The following SVEP1 variants were observed in gnomAD, a reference collection of about 807,000 sequenced individuals.
SVEP1 encodes the protein sushi, von Willebrand factor type A, EGF and pentraxin domain-containing protein 1.
A neutral mutation model predicts 367.3 loss-of-function variants in SVEP1; 164 were observed. The ratio of observed to expected loss-of-function variants is 0.45; its 90% CI spans 0.39 to 0.51. SVEP1 has a LOEUF of 0.51. SVEP1 is among the 20% of genes least tolerant of loss of function. SVEP1 has a pLI of 0.00. For synonymous variants in SVEP1, 1,666 were observed against 1,611.6 expected, an observed-to-expected ratio of 1.03 and a Z score of -0.81; for missense variants, 4,117 against 4,425.3, an observed-to-expected ratio of 0.93 and a Z score of 1.98.
At chr9:110,469,624 G>GA (rs35774393) in intron 16 of SVEP1, among the ~76,000 whole-genome samples, 5 of 152,146 alleles carry the variant, frequency 3.3e-5, no homozygotes, top group Non-Finnish European at 1.5e-5. Flanking sequence ...ACATTAAACT[G>GA]AAAAGCCTGC....
intron 2 of SVEP1, 29 bp downstream of exon 2, chr9:110,549,820 C>T (rs746495283): frequency 6.2e-7 from 1 of 1,610,230 alleles, no homozygotes; most frequent in Middle Eastern, 1.7e-4. Flanking sequence ...TTTAAAAGTA[C>T]CTTTGTGATG....
rs1829187654 is a variant in SVEP1, at chr9:110,481,523, G to T, written c.2171-87C>A. 4 of 949,762 alleles carry T rather than the reference G, an allele frequency of 4.2e-6. No individual in the cohort carries two copies. In the South Asian group the frequency reaches 1.1e-4, roughly 27 times the overall value. 58.8% of individuals were successfully genotyped at this position (949,762 alleles called of 1,614,324 possible). A position where few individuals can be genotyped will look rare whatever the true frequency, so the allele number is the denominator to read the frequency against. On this transcript the variant is annotated intron_variant, in intron 11 of 47. Transcript: ENST00000374469. The stretch of plus-strand genomic sequence containing the variant: ...GGAGCTTAAGCAGAATTTTGAAAAG[G>T]ACTCCTCCTGTCTATCGCTATTTCT...
intron 27 of SVEP1, among the ~76,000 whole-genome samples, chr9:110,440,537 G>A (rs914339485): frequency 2.6e-5 from 4 of 152,216 alleles, no homozygotes; most frequent in Non-Finnish European, 5.9e-5. Flanking sequence ...GAAAATTCAT[G>A]CATAAATACT....
chr9:110,469,854 C>T (rs764953055), intron 16 of SVEP1, among the ~76,000 whole-genome samples: 2 of 152,060 alleles, frequency 1.3e-5, no homozygotes, highest in Non-Finnish European at 2.9e-5. Context: ...TGAGAAACAC[C>T]GCTCAACGTG....
intron 40 of SVEP1, among the ~76,000 whole-genome samples, chr9:110,390,865 G>A (rs1382340863): frequency 6.6e-6 from 1 of 152,028 alleles, no homozygotes; most frequent in Non-Finnish European, 1.5e-5. Flanking sequence ...AGAAAGAACA[G>A]TATAAGAAAC....
chr9:110,510,496 T>A (rs978975233), intron 5 of SVEP1, among the ~76,000 whole-genome samples: 1 of 152,074 alleles, frequency 6.6e-6, no homozygotes. Context: ...GTCACCCCAT[T>A]CAGGAGGAGG....
In SVEP1 at chr9:110,436,529, A is replaced by G. The variant is rs150478162; in HGVS notation, c.4640-25T>C. ...CCTAAGGAGAGAGAAAGAGAAAGAA[A>G]AGGAGGAAAACTGGCCTGATGGTCT... On this transcript the variant is annotated intron_variant, in intron 27 of 47. Coordinates refer to ENST00000374469, the MANE Select transcript of SVEP1 (RefSeq NM_153366.4). The G allele has an allele frequency of 2.5e-6, 4 of 1,608,658 alleles. No homozygotes were observed. In the African/African-American group the frequency reaches 4.0e-5, roughly 16 times the overall value.
At chr9:110,428,399 A>AACACACACACACACACACACACACACAC (rs113743775) in intron 35 of SVEP1, among the ~76,000 whole-genome samples, 3 of 120,236 alleles carry the variant, frequency 2.5e-5, no homozygotes, top group African/African-American at 7.1e-5. Context: ...CCTCTGTTTA[A>AACACACACACACACACACACACACACAC]ACACACACAC....
At chr9:110,466,070 C>T in intron 17 of SVEP1, 44 bp from the exon 18 acceptor site, 4 of 1,580,266 alleles carry the variant, frequency 2.5e-6, no homozygotes, top group Non-Finnish European at 3.5e-6. Flanking sequence ...TGATATTAAG[C>T]TGCATAAAAT....
rs1830264344 is a variant in SVEP1, at chr9:110,550,068, C to T, written c.568G>A (p.Val190Ile). 25 of 1,613,934 alleles carry T rather than the reference C, an allele frequency of 1.5e-5. No homozygotes were observed. Among genetic ancestry groups the T allele is most frequent in the Non-Finnish European group, 2.0e-5 (24 of 1,179,854 alleles). ...LLHARENSTK[V>I]VFLITDGYSN... ...TATCCATCAGTGATGAGAAATACAACTTTTGTTGAGTTTTCTCTAGCATGA... is the reference window on the plus strand; with the variant it reads ...TATCCATCAGTGATGAGAAATACAATTTTTGTTGAGTTTTCTCTAGCATGA... Residue 190 changes from valine (V) to isoleucine (I), a missense_variant, in exon 2 of 48, where the codon GTT becomes ATT. Physicochemically the swap from Val to Ile is conservative, Grantham distance 29. Around this residue, in one of 4 missense-constraint regions of SVEP1, gnomAD observed 2,174 missense variants for 2,494.3 expected, o/e 0.87. Coordinates refer to ENST00000374469, the MANE Select transcript of SVEP1 (RefSeq NM_153366.4).
rs112123211 is a variant in SVEP1, at chr9:110,530,817, G to A, written c.964+15298C>T. Among the ~76,000 whole-genome samples the A allele has an allele frequency of 8.3e-3, 1,267 of 152,242 alleles. 18 individuals carry two copies. Among genetic ancestry groups the A allele is most frequent in the African/African-American group, 0.029 (1,202 of 41,566 alleles). On this transcript the variant is annotated intron_variant, in intron 3 of 47. Transcript: ENST00000374469. Reference sequence around the variant, plus strand: ...CTCCCAAACAGCTGAGATTACAGGTGTGAGCCACCGTGCCCAGTCTTTATT... The same window carrying A: ...CTCCCAAACAGCTGAGATTACAGGTATGAGCCACCGTGCCCAGTCTTTATT...
intron 3 of SVEP1, among the ~76,000 whole-genome samples, chr9:110,518,678 A>G (rs918321488): frequency 6.6e-5 from 10 of 151,732 alleles, no homozygotes; most frequent in African/African-American, 2.2e-4. Flanking sequence ...TTCCTCCTCT[A>G]TCTCCTTCAA....
rs369736607 is a variant in SVEP1, at chr9:110,447,039, G to T, written c.4122C>A (p.Gly1374=). 9.9e-6 allele frequency: 15 copies of T among 1,522,226 alleles called. No individual in the cohort carries two copies. The highest frequency in any genetic ancestry group is 1.3e-5 in the Non-Finnish European group (15 of 1,136,044). The allele number at this position is 1,522,226 out of a possible 1,614,324, so 94.3% of individuals were successfully genotyped here. ...TCAATTCACAGTGTGATCCTGTGAAGCCAGCTGCACACAGGCATCTGAAAG... is the reference window on the plus strand; with the variant it reads ...TCAATTCACAGTGTGATCCTGTGAATCCAGCTGCACACAGGCATCTGAAAG... ...ANSFRCLCAA[G]FTGSHCELNI... is the part of the protein sequence containing the mutation. The change falls in exon 25 of 48, where the codon GGC becomes GGA. Residue 1374 remains glycine (G), a synonymous_variant. Transcript: ENST00000374469.
At chr9:110,506,884 G>A (rs1342673717) in intron 5 of SVEP1, among the ~76,000 whole-genome samples, 2 of 152,032 alleles carry the variant, frequency 1.3e-5, no homozygotes, top group Non-Finnish European at 2.9e-5. Context: ...AGCAGGGTGA[G>A]GGGAAGGGGA....
intron 14 of SVEP1, 170 bp downstream of exon 14, chr9:110,476,034 G>T: frequency 4.1e-6 from 2 of 493,160 alleles, no homozygotes; most frequent in Non-Finnish European, 3.5e-6. Context: ...ACTAAAATTT[G>T]ATATAACCTT....
At position 110,383,279 on chromosome 9, in the gene SVEP1, T is replaced by C. The variant is rs554052190; in HGVS notation, c.10237+2619A>G. On this transcript the variant is annotated intron_variant, in intron 43 of 47. Coordinates refer to ENST00000374469, the MANE Select transcript of SVEP1 (RefSeq NM_153366.4). ...TTTTTGTTGATGGCTGTTGTTGTTG[T>C]TGCTGCTTTCTCTTTGTTTTTCTTT... 3.9e-5 allele frequency among the ~76,000 whole-genome samples: 6 copies of C among 152,282 alleles called. No homozygotes were observed. The South Asian group carries it at 6.2e-4, about 16-fold the overall frequency.
intron 16 of SVEP1, 89 bp from the exon 17 acceptor site, chr9:110,469,190 G>A (rs1210428343): frequency 1.1e-5 from 15 of 1,360,132 alleles, no homozygotes; most frequent in Non-Finnish European, 1.5e-5. Context: ...AAGTAATAAA[G>A]CATGCTTGAA....
Position 110,435,316 on chromosome 9 carries a change from C to T in SVEP1, c.4813G>A (p.Val1605Met), listed in dbSNP as rs369340894. The change falls in exon 29 of 48, where the codon GTG becomes ATG. Residue 1605 changes from valine to methionine, a missense_variant. Around this residue, in one of 4 missense-constraint regions of SVEP1, gnomAD observed 2,174 missense variants for 2,494.3 expected, o/e 0.87. Transcript: ENST00000374469. ...GACAAGAAATCAGGCCATGCTAACA[C>T]GTTTCCTTTACTGAGTTCCTCTGGG... ...SCPEELSKGN[V>M]LAWPDFLSGI... is the part of the protein sequence containing the mutation. The T allele has an allele frequency of 3.1e-6, 5 of 1,613,548 alleles. No homozygotes were observed. Among genetic ancestry groups the T allele is most frequent in the Non-Finnish European group, 3.4e-6 (4 of 1,179,636 alleles).
intron 3 of SVEP1, among the ~76,000 whole-genome samples, chr9:110,525,856 C>G (rs1201934210): frequency 6.6e-6 from 1 of 151,840 alleles, no homozygotes; most frequent in African/African-American, 2.4e-5. Flanking sequence ...TATACGTGTA[C>G]CATGGTGGCT....
Sources: gnomAD v4.1 joint callset for allele counts (sites outside exome capture counted in the v4.1 genomes callset) on GRCh38, gnomAD v4.1.1 for gene constraint, gnomAD v4.1.1 regional missense constraint, MANE v1.5 for transcripts, NCBI Gene and HGNC (gene_info 2026-07-23, HGNC 2026-07-21) for gene names.